The following FLT1 variants were observed in gnomAD, a reference collection of about 807,000 sequenced individuals.
FLT1 encodes fms related receptor tyrosine kinase 1, also known as vascular endothelial growth factor receptor 1.
A neutral mutation model predicts 156.3 loss-of-function variants in FLT1; 49 were observed. The ratio of observed to expected loss-of-function variants is 0.31; its 90% CI spans 0.25 to 0.40. FLT1 has a LOEUF of 0.40. FLT1 is among the 10% of genes least tolerant of loss of function. The pLI is 1.00. For synonymous variants in FLT1, 594 were observed against 583.8 expected, an observed-to-expected ratio of 1.02 and a Z score of -0.25; for missense variants, 1,322 against 1,637.2, an observed-to-expected ratio of 0.81 and a Z score of 3.32.
chr13:28,400,447 G>A (rs760889013), intron 11 of FLT1, among the ~76,000 whole-genome samples: 7 of 151,740 alleles, frequency 4.6e-5, no homozygotes, highest in Non-Finnish European at 1.0e-4. Flanking sequence ...CTCTTTCAGG[G>A]GATATATTTT....
chr13:28,444,066 A>G (rs1878476322), intron 3 of FLT1, among the ~76,000 whole-genome samples: 1 of 152,256 alleles, frequency 6.6e-6, no homozygotes, highest in South Asian at 2.1e-4. Flanking sequence ...ACTAACACAC[A>G]GGAAGCAAAA....
chr13:28,323,485 C>G (rs1034450166), intron 20 of FLT1, among the ~76,000 whole-genome samples: 2 of 151,978 alleles, frequency 1.3e-5, no homozygotes, highest in African/African-American at 4.8e-5. Context: ...AACCCCGTCT[C>G]TACTGAAAAT....
chr13:28,443,783 A>G (rs1878461485), intron 3 of FLT1, among the ~76,000 whole-genome samples: 1 of 152,232 alleles, frequency 6.6e-6, no homozygotes, highest in Non-Finnish European at 1.5e-5. Context: ...AAAATATTTT[A>G]TTTGAAATAT....
At position 28,467,063 on chromosome 13, in the gene FLT1, T is replaced by C. The variant is rs116829674; in HGVS notation, c.228A>G (p.Ile76Met). 5 of 1,614,184 alleles carry C rather than the reference T, an allele frequency of 3.1e-6. No homozygotes were observed. In the East Asian group the frequency reaches 8.9e-5, roughly 29 times the overall value. Residue 76 changes from isoleucine to methionine, a missense_variant, in exon 3 of 30, where the codon ATA becomes ATG. Transcript: ENST00000282397. ...CATTTCTTCCACAGGCAGATTTAGT[T>C]ATGCTCAGCCTTTCGCTTTCCTTAC... ...MVSKESERLS[I>M]TKSACGRNGK...
At chr13:28,437,858 T>C (rs1878116242) in intron 4 of FLT1, among the ~76,000 whole-genome samples, 1 of 152,198 alleles carries the variant, frequency 6.6e-6, no homozygotes, top group Non-Finnish European at 1.5e-5. Flanking sequence ...CATTCTGTCT[T>C]CTCTGCAGTA....
At chr13:28,468,056 G>A (rs1879948706) in intron 1 of FLT1, among the ~76,000 whole-genome samples, 1 of 152,150 alleles carries the variant, frequency 6.6e-6, no homozygotes, top group Non-Finnish European at 1.5e-5. Flanking sequence ...CTATAGGCCT[G>A]TCTCATCTTT....
At chr13:28,428,256 G>C (rs1293835300) in intron 8 of FLT1, among the ~76,000 whole-genome samples, 1 of 152,084 alleles carries the variant, frequency 6.6e-6, no homozygotes, top group African/African-American at 2.4e-5. Flanking sequence ...ATGTTTTTCA[G>C]AGTTTTCCAC....
intron 27 of FLT1, among the ~76,000 whole-genome samples, chr13:28,311,306 C>T (rs1870990078): frequency 6.6e-6 from 1 of 152,152 alleles, no homozygotes; most frequent in Non-Finnish European, 1.5e-5. Flanking sequence ...GAGTAAAGTG[C>T]TATTATGCCT....
chr13:28,342,260 A>G (rs1176206354), intron 16 of FLT1, among the ~76,000 whole-genome samples: 1 of 152,084 alleles, frequency 6.6e-6, no homozygotes, highest in Non-Finnish European at 1.5e-5. Flanking sequence ...AGTAGGAAGG[A>G]CTAGGGCGGG....
chr13:28,318,696 G>A (rs1342912862), intron 24 of FLT1, among the ~76,000 whole-genome samples: 3 of 152,156 alleles, frequency 2.0e-5, no homozygotes, highest in Non-Finnish European at 4.4e-5. Flanking sequence ...GGATGTTACT[G>A]GGTGACTTTT....
intron 3 of FLT1, among the ~76,000 whole-genome samples, chr13:28,453,945 TGGGGGTGCCTA>T (rs1879121365): frequency 6.6e-6 from 1 of 151,818 alleles, no homozygotes; most frequent in African/African-American, 2.4e-5. Flanking sequence ...ATCCCGAGTT[TGGGGGTGCCTA>T]GGGTGCTTCC....
chr13:28,344,007 G>GCCCCCCCCCCCCCCCC (rs1555302045), intron 16 of FLT1, among the ~76,000 whole-genome samples: 1 of 146,170 alleles, frequency 6.8e-6, no homozygotes, highest in Non-Finnish European at 1.5e-5. Context: ...ATTCACTCTT[G>GCCCCCCCCCCCCCCCC]CCCCCCACCA....
At chr13:28,413,277 C>G (rs958536257) in intron 10 of FLT1, among the ~76,000 whole-genome samples, 1 of 152,116 alleles carries the variant, frequency 6.6e-6, no homozygotes, top group Non-Finnish European at 1.5e-5. Context: ...CATTCACACT[C>G]AGAACATGGC....
At chr13:28,429,125 C>T (rs1174265719) in intron 8 of FLT1, among the ~76,000 whole-genome samples, 2 of 152,080 alleles carry the variant, frequency 1.3e-5, no homozygotes, top group South Asian at 2.1e-4. Flanking sequence ...TACTACTAAA[C>T]GTTTTTGATA....
chr13:28,356,609 T>G (rs2137410087), intron 15 of FLT1, among the ~76,000 whole-genome samples: 1 of 152,262 alleles, frequency 6.6e-6, no homozygotes, highest in South Asian at 2.1e-4. Context: ...TTTAAAGGGG[T>G]TTGAATTCTC....
chr13:28,311,427 G>C (rs184184573), intron 27 of FLT1, among the ~76,000 whole-genome samples, 163 bp downstream of exon 27: 10 of 152,264 alleles, frequency 6.6e-5, no homozygotes, highest in Admixed American at 3.9e-4. Flanking sequence ...TTTAGGGGAT[G>C]GGCATATGGG....
rs547588902 is a variant in FLT1 at position 28,485,789 on chromosome 13, CAACA to C, written c.64+8987_64+8990del. Among the ~76,000 whole-genome samples the C allele has an allele frequency of 1.5e-3, 229 of 152,286 alleles. 1 individual carries two copies. Among genetic ancestry groups the C allele is most frequent in the Non-Finnish European group, 1.1e-3 (74 of 68,024 alleles). On this transcript the variant is annotated intron_variant, in intron 1 of 29. Coordinates refer to ENST00000282397, the MANE Select transcript of FLT1 (RefSeq NM_002019.4). ...TGCAGCTTCCACCATCACACTCTTG[CAACA>C]CCGCTGCCCCCAGGGAAAGGAAGCC...
intron 3 of FLT1, among the ~76,000 whole-genome samples, chr13:28,455,554 A>G (rs1478415025): frequency 6.6e-6 from 1 of 152,224 alleles, no homozygotes; most frequent in Non-Finnish European, 1.5e-5. Flanking sequence ...ATATAACAGG[A>G]GAAAACCTAG....
intron 10 of FLT1, among the ~76,000 whole-genome samples, chr13:28,424,344 C>T (rs1877210034): frequency 6.6e-6 from 1 of 152,192 alleles, no homozygotes; most frequent in African/African-American, 2.4e-5. Context: ...CATCCTTTCC[C>T]TCCTCTCTTT....
Sources: allele counts gnomAD v4.1 joint callset (sites outside exome capture counted in the v4.1 genomes callset), GRCh38; gene constraint gnomAD v4.1.1; transcripts MANE v1.5; gene names NCBI Gene and HGNC (gene_info 2026-07-23, HGNC 2026-07-21).